CSMD2: variants seen among roughly 807,000 people sequenced by gnomAD.
CSMD2 encodes CUB and Sushi multiple domains 2, also known as CUB and sushi domain-containing protein 2.
A neutral mutation model predicts 398.5 loss-of-function variants in CSMD2; 130 were observed. The ratio of observed to expected loss-of-function variants is 0.33; its 90% CI spans 0.28 to 0.38. The LOEUF is 0.38. Ranked by LOEUF, CSMD2 falls within the 10% of genes least tolerant of loss-of-function variation. The pLI, the probability that CSMD2 is intolerant of heterozygous loss-of-function variation, is 1.00. For synonymous variants in CSMD2, 1,828 were observed against 1,908.5 expected (o/e 0.96, Z 1.10); for missense variants, 3,829 against 4,764.9 (o/e 0.80, Z 5.78).
chr1:33,671,214 C>T (rs1241005876), intron 25 of CSMD2, among the ~76,000 whole-genome samples: 1 of 152,140 alleles, frequency 6.6e-6, no homozygotes, highest in Non-Finnish European at 1.5e-5. Context: ...AGAGCAGTTT[C>T]CTTGGTGCTG....
Position 34,164,386 on chromosome 1 carries a change from C to G in CSMD2, c.187+525G>C, listed in dbSNP as rs1381980935. On this transcript the variant is annotated intron_variant, in intron 1 of 70. Coordinates refer to ENST00000373381, the MANE Select transcript of CSMD2 (RefSeq NM_001281956.2). The surrounding 1 kb of genome is among the most constrained non-coding windows in gnomAD (Gnocchi z 6.2). ...TGGCGGCCGCAGTCTGCAGTCGGTT[C>G]CAGAGGGGGCACCGGTTTCAATTGG... Among the ~76,000 whole-genome samples the G allele has an allele frequency of 6.6e-6, 1 of 151,966 alleles. No homozygotes were observed. Among genetic ancestry groups the G allele is most frequent in the Non-Finnish European group, 1.5e-5 (1 of 67,966 alleles).
intron 2 of CSMD2, among the ~76,000 whole-genome samples, chr1:34,058,556 C>T (rs1654114285): frequency 6.6e-6 from 1 of 152,174 alleles, no homozygotes; most frequent in Non-Finnish European, 1.5e-5. Flanking sequence ...CCCACAGTAG[C>T]AGAGGAAGTC....
At chr1:33,931,952 G>A (rs1369903716) in intron 4 of CSMD2, among the ~76,000 whole-genome samples, 1 of 152,178 alleles carries the variant, frequency 6.6e-6, no homozygotes, top group Non-Finnish European at 1.5e-5. Context: ...AGTGAGAGAC[G>A]AGAGAGCCTG....
At chr1:33,686,891 A>G (rs1312838555) in intron 25 of CSMD2, among the ~76,000 whole-genome samples, 1 of 152,216 alleles carries the variant, frequency 6.6e-6, no homozygotes, top group Non-Finnish European at 1.5e-5. Context: ...GTGCTTAGGA[A>G]TACTCTGTTT....
chr1:33,524,001 A>G (rs1654549794), intron 66 of CSMD2, among the ~76,000 whole-genome samples: 1 of 152,222 alleles, frequency 6.6e-6, no homozygotes, highest in Non-Finnish European at 1.5e-5. Flanking sequence ...AAATTGGGAA[A>G]ATTTTAGAAA....
intron 28 of CSMD2, among the ~76,000 whole-genome samples, chr1:33,651,706 G>A (rs1239836876): frequency 6.6e-6 from 1 of 152,212 alleles, no homozygotes; most frequent in Non-Finnish European, 1.5e-5. Context: ...GTGATCAAGA[G>A]GTGGAGTGGA....
chr1:34,142,276 G>T (rs1041098436), intron 1 of CSMD2, among the ~76,000 whole-genome samples: 4 of 152,128 alleles, frequency 2.6e-5, no homozygotes, highest in African/African-American at 9.6e-5. Context: ...AGCAAATGGG[G>T]GTACACTCAT....
intron 10 of CSMD2, chr1:33,805,013 T>C: frequency 3.1e-6 from 2 of 635,946 alleles, no homozygotes; most frequent in Admixed American, 2.5e-5. Flanking sequence ...TAAGCGGTGC[T>C]CTGCAGAGGT....
intron 25 of CSMD2, among the ~76,000 whole-genome samples, chr1:33,691,899 C>T (rs919356123): frequency 8.5e-5 from 13 of 152,256 alleles, no homozygotes; most frequent in African/African-American, 1.7e-4. Flanking sequence ...TTCATACCTC[C>T]GCTCATACTG....
At chr1:33,795,931 C>T (rs562946086) in intron 10 of CSMD2, among the ~76,000 whole-genome samples, 8 of 152,218 alleles carry the variant, frequency 5.3e-5, no homozygotes, top group African/African-American at 1.9e-4. Context: ...CCATCTAGAA[C>T]AAAAGTTGGC....
chr1:33,622,062 G>T, intron 37 of CSMD2, 105 bp downstream of exon 37: 1 of 847,126 alleles, frequency 1.2e-6, no homozygotes, highest in South Asian at 1.5e-5. Context: ...AGGCTTAAGT[G>T]GGATGGACAA....
In CSMD2 at chr1:33,843,809, C is replaced by G. The variant is rs75459762; in HGVS notation, c.1033+3075G>C. 6.2e-3 allele frequency among the ~76,000 whole-genome samples: 945 copies of G among 152,306 alleles called. 7 individuals are homozygous for G. The highest frequency in any genetic ancestry group is 0.02 in the African/African-American group (847 of 41,564). On this transcript the variant is annotated intron_variant, in intron 6 of 70. Transcript: ENST00000373381. ...CTGATCCCCTGATCCCCTCCTCACG[C>G]CCTGGCTACTATGGATCCCTGTGGT... is the stretch of plus-strand genomic sequence containing the variant.
chr1:34,058,145 G>A (rs1654066364), intron 2 of CSMD2, among the ~76,000 whole-genome samples: 1 of 152,042 alleles, frequency 6.6e-6, no homozygotes, highest in South Asian at 2.1e-4. Flanking sequence ...GGAGAAACAG[G>A]GTCCCAGGCT....
At chr1:33,616,245 G>T (rs527435389) in intron 39 of CSMD2, among the ~76,000 whole-genome samples, 1 of 146,942 alleles carries the variant, frequency 6.8e-6, no homozygotes. Flanking sequence ...CTTGTCTTTC[G>T]TTTTTTTTTT....
chr1:33,577,227 C>A (rs1283464179), intron 49 of CSMD2, 69 bp downstream of exon 49: 2 of 1,452,452 alleles, frequency 1.4e-6, no homozygotes, highest in Non-Finnish European at 1.9e-6. Flanking sequence ...AGTGACTAGT[C>A]CTGGGACAAA....
intron 15 of CSMD2, among the ~76,000 whole-genome samples, chr1:33,728,775 T>C (rs1646626683): frequency 6.6e-6 from 1 of 152,254 alleles, no homozygotes; most frequent in Admixed American, 6.5e-5. Context: ...AAATGGCACG[T>C]ACTATTATCA....
At chr1:33,992,108 C>A (rs1326806498) in intron 3 of CSMD2, among the ~76,000 whole-genome samples, 1 of 152,128 alleles carries the variant, frequency 6.6e-6, no homozygotes, top group Non-Finnish European at 1.5e-5. Flanking sequence ...GGAATCAACC[C>A]AGGTGGTTAG....
chr1:33,558,714 C>G (rs1327352689), intron 54 of CSMD2, among the ~76,000 whole-genome samples: 1 of 152,154 alleles, frequency 6.6e-6, no homozygotes, highest in African/African-American at 2.4e-5. Context: ...CCAAATAGAG[C>G]CAGGACATTC....
chr1:33,587,246 C>T (rs1207765223), intron 44 of CSMD2, 78 bp from the exon 45 acceptor site: 1 of 1,089,560 alleles, frequency 9.2e-7, no homozygotes, highest in Non-Finnish European at 1.3e-6. Flanking sequence ...TTCAATTCTT[C>T]ACTTTCTCAT....
Sources: allele counts gnomAD v4.1 joint callset (sites outside exome capture counted in the v4.1 genomes callset), GRCh38; gene constraint gnomAD v4.1.1; non-coding constraint Gnocchi (gnomAD v3.1); transcripts MANE v1.5; gene names NCBI Gene and HGNC (gene_info 2026-07-23, HGNC 2026-07-21).